Variants in MGAT4C observed in about 807,000 individuals in gnomAD.
The protein encoded by MGAT4C is alpha-1,3-mannosyl-glycoprotein 4-beta-N-acetylglucosaminyltransferase C.
In MGAT4C, 19 loss-of-function variants were observed where a neutral mutation model predicts 40.1. The observed-to-expected ratio is 0.47, with a 90% CI of 0.33 to 0.70. The LOEUF (loss-of-function observed/expected upper bound fraction) is 0.70, where lower values mean the gene tolerates loss of function less well. Among genes scored for constraint, MGAT4C ranks in the 30% least tolerant of loss-of-function variants. MGAT4C has a pLI of 0.02. For synonymous variants in MGAT4C, 181 were observed against 187.1 expected (o/e 0.97, Z 0.27); for missense variants, 491 against 563.2 (o/e 0.87, Z 1.30).
chr12:86,785,078 C>T (rs901332974), intron 1 of MGAT4C, among the ~76,000 whole-genome samples: 1 of 151,958 alleles, frequency 6.6e-6, no homozygotes, highest in African/African-American at 2.4e-5. Context: ...TACATGGTTT[C>T]ATCAAATGAA....
intron 1 of MGAT4C, among the ~76,000 whole-genome samples, chr12:86,755,659 C>G (rs1485315692): frequency 7.0e-6 from 1 of 142,284 alleles, no homozygotes; most frequent in East Asian, 2.1e-4. Flanking sequence ...ACCTTCCTTT[C>G]TTTTCTTTTC....
At chr12:86,385,909 T>C (rs1956040618) in intron 3 of MGAT4C, among the ~76,000 whole-genome samples, 3 of 152,146 alleles carry the variant, frequency 2.0e-5, no homozygotes, top group Non-Finnish European at 4.4e-5. Flanking sequence ...TTCTTATTCA[T>C]CAGTAATTAT....
At chr12:86,690,583 T>A (rs1950156218) in intron 2 of MGAT4C, among the ~76,000 whole-genome samples, 1 of 152,100 alleles carries the variant, frequency 6.6e-6, no homozygotes, top group Non-Finnish European at 1.5e-5. Context: ...CCTGACCCCT[T>A]GCACTTCCTG....
rs112932358 is a variant in MGAT4C, at chr12:86,715,429, G to T, written c.-229+11780C>A. ...GGTTATGCTCTGTTTCTTGATCTGG[G>T]TGCTGATTATATTATTGTTTGGTGT... On this transcript the variant is annotated intron_variant, in intron 2 of 7. Coordinates refer to the MGAT4C transcript ENST00000548651. 3.4e-3 allele frequency among the ~76,000 whole-genome samples: 523 copies of T among 152,128 alleles called. 1 individual carries two copies. Among genetic ancestry groups the T allele is most frequent in the African/African-American group, 0.012 (501 of 41,504 alleles).
chr12:86,662,303 A>G (rs963580358), intron 2 of MGAT4C, among the ~76,000 whole-genome samples: 1 of 152,244 alleles, frequency 6.6e-6, no homozygotes, highest in African/African-American at 2.4e-5. Context: ...CTTGAATTTA[A>G]AAATCTAAAA....
intron 1 of MGAT4C, among the ~76,000 whole-genome samples, chr12:86,170,881 C>G (rs1276302900): frequency 1.3e-5 from 2 of 151,680 alleles, no homozygotes; most frequent in African/African-American, 4.8e-5. Context: ...TGAGCCCAGG[C>G]TGGGCGACAG....
chr12:86,161,948 T>G (rs1283693495), intron 1 of MGAT4C, among the ~76,000 whole-genome samples: 1 of 152,072 alleles, frequency 6.6e-6, no homozygotes, highest in African/African-American at 2.4e-5. Flanking sequence ...TACAATGAGA[T>G]ACCATCTCAC....
At chr12:86,760,363 ATTTTTG>A (rs1007257198) in intron 1 of MGAT4C, among the ~76,000 whole-genome samples, 18 of 152,056 alleles carry the variant, frequency 1.2e-4, no homozygotes, top group Non-Finnish European at 2.2e-4. Flanking sequence ...TTAGGCACGG[ATTTTTG>A]TTTTTGTTTT....
chr12:86,816,200 T>C lies in MGAT4C; in HGVS notation c.-262+22466A>G, dbSNP rs998145906. On this transcript the variant is annotated intron_variant, in intron 1 of 7. Coordinates refer to the MGAT4C transcript ENST00000548651. ...TCATTAGATAGTCTTATCAGGTAAA[T>C]GAATTTCTCTTTCATATCTCCTATA... 5.3e-5 allele frequency among the ~76,000 whole-genome samples: 8 copies of C among 152,044 alleles called. 1 individual carries two copies. The Middle Eastern group carries it at 0.01, about 194-fold the overall frequency.
intron 4 of MGAT4C, among the ~76,000 whole-genome samples, chr12:86,307,955 G>A (rs1015664478): frequency 6.6e-6 from 1 of 150,446 alleles, no homozygotes; most frequent in African/African-American, 2.5e-5. Context: ...CGCCCGTCTC[G>A]GCCTCCCAAA....
chr12:86,718,788 C>A (rs1284435406), intron 2 of MGAT4C, among the ~76,000 whole-genome samples: 1 of 152,106 alleles, frequency 6.6e-6, no homozygotes. Flanking sequence ...GCTGCATGCT[C>A]CTTATGAGTG....
chr12:86,357,077 G>C (rs966246621), intron 3 of MGAT4C, among the ~76,000 whole-genome samples: 1 of 152,156 alleles, frequency 6.6e-6, no homozygotes, highest in African/African-American at 2.4e-5. Context: ...CTCCCAGTAG[G>C]GGCCGACTGA....
chr12:86,663,353 C>CAAAA lies in MGAT4C; in HGVS notation c.-229+63852_-229+63855dup, dbSNP rs58562873. 1.1e-3 allele frequency among the ~76,000 whole-genome samples: 49 copies of CAAAA among 44,750 alleles called. 1 individual carries two copies. Among genetic ancestry groups the CAAAA allele is most frequent in the African/African-American group, 3.5e-3 (41 of 11,812 alleles). The allele number at this position is 44,750 out of a possible 152,430, so 29.4% of individuals were successfully genotyped here. ...TGAAAAAGTGATACCTCCTCTGTCT[C>CAAAA]AAAAAAAAAAAAAAAAAAAAAAGAG... On this transcript the variant is annotated intron_variant, in intron 2 of 7. Coordinates refer to the MGAT4C transcript ENST00000548651.
At position 85,974,990 on chromosome 12, in the gene MGAT4C, C is replaced by G. The variant is rs979917791; in HGVS notation, c.*4299G>C. On this transcript the variant is annotated 3_prime_UTR_variant, in exon 5 of 5. Transcript: ENST00000611864. The stretch of plus-strand genomic sequence containing the variant: ...TGCATTTCTGAGCTTAAGGTAGATT[C>G]TAAACAACATCTTAGAAACTAGGAA... 9 of 149,994 alleles carry G rather than the reference C, an allele frequency of 6.0e-5. No homozygotes were observed. The highest frequency in any genetic ancestry group is 1.9e-4 in the African/African-American group (8 of 41,180). 9.3% of individuals were successfully genotyped at this position (149,994 alleles called of 1,614,324 possible). A position where few individuals can be genotyped will look rare whatever the true frequency, so the allele number is the denominator to read the frequency against.
intron 2 of MGAT4C, among the ~76,000 whole-genome samples, chr12:86,541,883 C>T (rs921728117): frequency 3.3e-5 from 5 of 152,194 alleles, no homozygotes; most frequent in African/African-American, 1.2e-4. Context: ...TTTCTGTACT[C>T]ACTTCTGGTT....
chr12:86,691,377 T>C (rs767212386), intron 2 of MGAT4C, among the ~76,000 whole-genome samples: 2 of 152,072 alleles, frequency 1.3e-5, no homozygotes, highest in Non-Finnish European at 2.9e-5. Context: ...AAGCACCAGG[T>C]GATATTTTGA....
At chr12:86,251,851 A>G (rs1485737158) in intron 1 of MGAT4C, among the ~76,000 whole-genome samples, 1 of 152,072 alleles carries the variant, frequency 6.6e-6, no homozygotes, top group Non-Finnish European at 1.5e-5. Context: ...CATGCCACTG[A>G]GACCAGTATC....
intron 2 of MGAT4C, among the ~76,000 whole-genome samples, chr12:86,698,679 G>T (rs564196142): frequency 2.7e-5 from 4 of 149,160 alleles, no homozygotes; most frequent in East Asian, 1.9e-4. Context: ...GCTGAGCTGT[G>T]GGGGGGGTGG....
intron 1 of MGAT4C, among the ~76,000 whole-genome samples, chr12:86,244,360 G>A (rs1951925848): frequency 6.6e-6 from 1 of 152,088 alleles, no homozygotes; most frequent in African/African-American, 2.4e-5. Context: ...TTAGTGAAGG[G>A]GTGGGTTTCA....
Sources: allele counts gnomAD v4.1 joint callset (sites outside exome capture counted in the v4.1 genomes callset), GRCh38; gene constraint gnomAD v4.1.1; transcripts MANE v1.5; gene names NCBI Gene and HGNC (gene_info 2026-07-23, HGNC 2026-07-21).